Variants in PCNX2 observed in about 807,000 individuals in gnomAD.
The protein encoded by PCNX2 is pecanex 2, also known as pecanex-like protein 2.
In PCNX2, 168 loss-of-function variants were observed where a neutral mutation model predicts 223.8. That is an observed-to-expected ratio of 0.75 (90% confidence interval 0.66 to 0.85). PCNX2 has a LOEUF of 0.85. Among genes scored for constraint, PCNX2 ranks in the 40% least tolerant of loss-of-function variants. The pLI, the probability that PCNX2 is intolerant of heterozygous loss-of-function variation, is 0.00. For synonymous variants in PCNX2, 1,006 were observed against 1,052.6 expected, an observed-to-expected ratio of 0.96 and a Z score of 0.86; for missense variants, 2,507 against 2,675.5, an observed-to-expected ratio of 0.94 and a Z score of 1.39.
chr1:233,006,349 T>C (rs546615867), intron 28 of PCNX2, among the ~76,000 whole-genome samples: 1 of 152,146 alleles, frequency 6.6e-6, no homozygotes, highest in Non-Finnish European at 1.5e-5. Flanking sequence ...TCATATGACA[T>C]AGCTGGTGGC....
At chr1:233,285,981 A>G (rs1661426843) in intron 1 of PCNX2, among the ~76,000 whole-genome samples, 1 of 152,250 alleles carries the variant, frequency 6.6e-6, no homozygotes, top group South Asian at 2.1e-4. Flanking sequence ...ACACATTTGT[A>G]TAACATTTTT....
chr1:233,135,160 G>A lies in PCNX2; in HGVS notation c.3690C>T (p.Gly1230=), dbSNP rs578123377. 1.4e-4 allele frequency: 222 copies of A among 1,613,678 alleles called. 4 individuals carry two copies. The South Asian group carries it at 2.3e-3, about 17-fold the overall frequency. Residue 1230 remains glycine (G), a synonymous_variant, in exon 21 of 34, where the codon GGC becomes GGT. Coordinates refer to ENST00000258229, the MANE Select transcript of PCNX2 (RefSeq NM_014801.4). ...AGAATGATGTCCGCAACAGCTTCATGCCAGCAATGATCATCAGAAAAATGT... is the reference window on the plus strand; with the variant it reads ...AGAATGATGTCCGCAACAGCTTCATACCAGCAATGATCATCAGAAAAATGT... ...HWDIFLMIIA[G]MKLLRTSFCN...
intron 25 of PCNX2, among the ~76,000 whole-genome samples, chr1:233,044,554 A>C (rs1323925498): frequency 6.6e-6 from 1 of 152,110 alleles, no homozygotes; most frequent in Admixed American, 6.5e-5. Context: ...ACTCAAGAGC[A>C]GTGGGGGCAC....
At chr1:233,145,218 G>A (rs1173854702) in intron 19 of PCNX2, among the ~76,000 whole-genome samples, 8 of 151,964 alleles carry the variant, frequency 5.3e-5, no homozygotes, top group Admixed American at 2.6e-4. Context: ...CGCCTGCTTC[G>A]GACTCCCAAA....
rs774334406 is a variant in PCNX2, at chr1:233,017,196, T to A, written c.4606-42A>T. The A allele has an allele frequency of 2.7e-6, 4 of 1,473,008 alleles. No homozygotes were observed. In the Admixed American group the frequency reaches 5.6e-5, roughly 21 times the overall value. The allele number at this position is 1,473,008 out of a possible 1,614,324, so 91.2% of individuals were successfully genotyped here. A position where few individuals can be genotyped will look rare whatever the true frequency, so the allele number is the denominator to read the frequency against. On this transcript the variant is annotated intron_variant, in intron 26 of 33. Coordinates refer to ENST00000258229, the MANE Select transcript of PCNX2 (RefSeq NM_014801.4). ...AGGAAGATTTTATTTATTAATTTAA[T>A]CTTAGAAAGTAAATCAACCTCAGGA...
intron 9 of PCNX2, chr1:233,231,605 G>A (rs992795576): frequency 1.9e-5 from 18 of 962,280 alleles, no homozygotes; most frequent in African/African-American, 3.5e-5. Context: ...TTCTCAGAAC[G>A]TATCTGTAGA....
chr1:233,267,042 G>T (rs1660374082), intron 1 of PCNX2, among the ~76,000 whole-genome samples: 1 of 151,748 alleles, frequency 6.6e-6, no homozygotes, highest in African/African-American at 2.4e-5. Context: ...TTTGTGGCCA[G>T]GCACAGTGGC....
chr1:233,176,858 A>AG (rs1679505451), intron 17 of PCNX2, among the ~76,000 whole-genome samples: 2 of 152,172 alleles, frequency 1.3e-5, no homozygotes, highest in Admixed American at 6.5e-5. Flanking sequence ...CTAAAAAAAT[A>AG]CAAAAAATTA....
intron 23 of PCNX2, among the ~76,000 whole-genome samples, chr1:233,088,798 G>A (rs1673730586): frequency 6.6e-6 from 1 of 152,168 alleles, no homozygotes; most frequent in African/African-American, 2.4e-5. Context: ...GCTGGGACAG[G>A]AACCTCCCTG....
At chr1:233,312,296 G>GT in the PCNX2 span, among the ~76,000 whole-genome samples, 1 of 152,064 alleles carries the variant, frequency 6.6e-6, no homozygotes, top group Non-Finnish European at 1.5e-5. Context: ...TATAAACATC[G>GT]TAAGAGAATA....
chr1:233,003,952 C>T (rs1188478675), intron 28 of PCNX2, among the ~76,000 whole-genome samples: 4 of 151,988 alleles, frequency 2.6e-5, no homozygotes, highest in South Asian at 2.1e-4. Context: ...ACCTGAACAA[C>T]GAGAACACAT....
intron 24 of PCNX2, among the ~76,000 whole-genome samples, chr1:233,054,884 T>C (rs1332433539): frequency 6.6e-6 from 1 of 152,132 alleles, no homozygotes; most frequent in African/African-American, 2.4e-5. Context: ...TGAAGAATAA[T>C]TTGTGTAGGG....
At chr1:233,145,253 T>A (rs1296088) in intron 19 of PCNX2, among the ~76,000 whole-genome samples, 33,037 of 151,984 alleles carry the variant, frequency 0.22, 3,785 homozygotes, top group African/African-American at 0.27. Context: ...GCCATGAGCC[T>A]CTGCACCTGG....
At chr1:233,160,580 G>T in intron 18 of PCNX2, 147 bp from the exon 19 acceptor site, 1 of 923,130 alleles carries the variant, frequency 1.1e-6, no homozygotes, top group Non-Finnish European at 1.6e-6. Context: ...CTCTGAAAAT[G>T]TCTTCTCTAT....
the PCNX2 span, among the ~76,000 whole-genome samples, chr1:233,318,112 C>T: frequency 2.0e-5 from 3 of 152,118 alleles, no homozygotes; most frequent in Non-Finnish European, 4.4e-5. Context: ...AATCCAGATG[C>T]TTTTTGTCTC....
chr1:233,059,651 T>G (rs1672331518), intron 23 of PCNX2, among the ~76,000 whole-genome samples: 1 of 152,242 alleles, frequency 6.6e-6, no homozygotes, highest in South Asian at 2.1e-4. Flanking sequence ...TGGCACATAG[T>G]AGTCACTCAA....
intron 17 of PCNX2, among the ~76,000 whole-genome samples, chr1:233,174,212 TA>T (rs1679336292): frequency 7.5e-6 from 1 of 132,980 alleles, no homozygotes; most frequent in African/African-American, 2.7e-5. Context: ...ATATATTATA[TA>T]AAAATTATGT....
At position 233,244,804 on chromosome 1, in the gene PCNX2, G is replaced by C. The variant is rs113811965; in HGVS notation, c.2222+5935C>G. ...TTTCTATGTAGATTGGTTTTAAAAG[G>C]CTCATTTTACATGTTTCATTTTGCT... On this transcript the variant is annotated intron_variant, in intron 8 of 33. Transcript: ENST00000258229. 4.9e-3 allele frequency among the ~76,000 whole-genome samples: 751 copies of C among 152,240 alleles called. 5 individuals carry two copies. Among genetic ancestry groups the C allele is most frequent in the African/African-American group, 0.017 (698 of 41,540 alleles).
intron 15 of PCNX2, 108 bp from the exon 16 acceptor site, chr1:233,179,283 A>C (rs902756328): frequency 8.8e-7 from 1 of 1,136,514 alleles, no homozygotes; most frequent in Non-Finnish European, 1.3e-6. Context: ...TGGATGAGTT[A>C]TTCCCATGAT....
Sources: gnomAD v4.1 joint callset for allele counts (sites outside exome capture counted in the v4.1 genomes callset) on GRCh38, gnomAD v4.1.1 for gene constraint, MANE v1.5 for transcripts, NCBI Gene and HGNC (gene_info 2026-07-23, HGNC 2026-07-21) for gene names.